The following FANCL variants were observed in gnomAD, a reference collection of about 807,000 sequenced individuals.
FANCL encodes E3 ubiquitin-protein ligase FANCL.
Under a neutral mutation model 59.4 loss-of-function variants are expected in FANCL, and 69 were observed. That is an observed-to-expected ratio of 1.16 (90% CI 0.96 to 1.42). The LOEUF (loss-of-function observed/expected upper bound fraction) is 1.42, where lower values mean the gene tolerates loss of function less well. Ranked by LOEUF, FANCL falls within the 40% of genes most tolerant of loss-of-function variation. The pLI, the probability that FANCL is intolerant of heterozygous loss-of-function variation, is 0.00. For missense variants in FANCL, 519 were observed against 447.2 expected (o/e 1.16, Z -1.45); for synonymous variants, 180 against 147.1 (o/e 1.22, Z -1.62).
rs375526911 is a variant in FANCL at position 58,162,885 on chromosome 2, C to A, written c.884G>T (p.Arg295Leu). 3 of 1,612,180 alleles carry A rather than the reference C, an allele frequency of 1.9e-6. No individual in the cohort carries two copies. Among genetic ancestry groups the A allele is most frequent in the South Asian group, 1.1e-5 (1 of 91,034 alleles). Residue 295 changes from arginine to leucine, a missense_variant, in exon 11 of 14, where the codon CGT (arginine) becomes CTT (leucine). Coordinates refer to ENST00000233741, the MANE Select transcript of FANCL (RefSeq NM_018062.4). ...ACTTACAGATTTTTCCAGGATAGCA[C>A]GAGCTGGAAAATCAATTTCTAAAAC... ...KDVLEIDFPA[R>L]AILEKSDFTM...
Position 58,159,379 on chromosome 2 carries a change from G to C in FANCL, c.*386C>G, listed in dbSNP as rs575242941. On this transcript the variant is annotated 3_prime_UTR_variant, in exon 14 of 14. Coordinates refer to ENST00000233741, the MANE Select transcript of FANCL (RefSeq NM_018062.4). ...CACAAGGAGAAGACAGAAATATCAA[G>C]AGTCTCAAGAACCTTTGAATGAAGT... is the stretch of plus-strand genomic sequence containing the variant. The C allele has an allele frequency of 1.2e-6, 2 of 1,610,346 alleles. No homozygotes were observed. The highest frequency in any genetic ancestry group is 1.7e-6 in the Non-Finnish European group (2 of 1,178,668).
chr2:58,176,711 T>C (rs1039908488), intron 7 of FANCL, among the ~76,000 whole-genome samples: 6 of 152,124 alleles, frequency 3.9e-5, no homozygotes, highest in Admixed American at 1.3e-4. Context: ...ATTCAGGACA[T>C]AGGCATGGGC....
intron 1 of FANCL, 119 bp downstream of exon 1, chr2:58,241,099 G>A (rs758933787): frequency 1.4e-5 from 15 of 1,049,210 alleles, no homozygotes; most frequent in Non-Finnish European, 2.0e-5. Flanking sequence ...GCCGTTACGC[G>A]CCGCCCCTCT....
rs768596921 is a variant in FANCL, at chr2:58,226,751, T to C, written c.250A>G (p.Met84Val). Residue 84 changes from methionine (M) to valine (V), a missense_variant, in exon 4 of 14, where the codon ATG becomes GTG. Coordinates refer to ENST00000233741, the MANE Select transcript of FANCL (RefSeq NM_018062.4). The part of the protein sequence containing the change: ...MQHSPDLMSF[M>V]MELKMLLEVA... Reference sequence around the variant, plus strand: ...ACCAAAAGCATCTTCAACTCCATCATAAAGCTCATTAGATCAGGAGAGTGC... The same window carrying C: ...ACCAAAAGCATCTTCAACTCCATCACAAAGCTCATTAGATCAGGAGAGTGC... The C allele has an allele frequency of 1.2e-6, 2 of 1,613,206 alleles. No individual in the cohort carries two copies. Among genetic ancestry groups the C allele is most frequent in the Non-Finnish European group, 1.7e-6 (2 of 1,179,518 alleles).
chr2:58,215,508 G>GA (rs1203556551), intron 5 of FANCL, among the ~76,000 whole-genome samples: 22 of 152,136 alleles, frequency 1.4e-4, no homozygotes, highest in Admixed American at 1.4e-3. Flanking sequence ...GAAAATGGGG[G>GA]AAAAAAATTG....
Position 58,230,092 on chromosome 2 carries a change from T to G in FANCL, c.156-218A>C, listed in dbSNP as rs7603404. ...AAATAACTGCAATCAGTAAATGACA[T>G]GCAAACAGTACATCTTGTTTTTTAA... is the stretch of plus-strand genomic sequence containing the variant. On this transcript the variant is annotated intron_variant, in intron 2 of 13. Coordinates refer to ENST00000233741, the MANE Select transcript of FANCL (RefSeq NM_018062.4). Among the ~76,000 whole-genome samples, 874 of 152,310 alleles carry G rather than the reference T, an allele frequency of 5.7e-3. 7 individuals carry two copies. The highest frequency in any genetic ancestry group is 0.02 in the African/African-American group (846 of 41,566).
chr2:58,159,560 A>T lies in FANCL; in HGVS notation c.*205T>A, dbSNP rs760396835. The T allele has an allele frequency of 6.2e-7, 1 of 1,613,734 alleles. No homozygotes were observed. The highest frequency in any genetic ancestry group is 1.3e-5 in the African/African-American group (1 of 74,922). ...GTCAGCACGGGGATCACAGACTTAG[A>T]AAGTTCAACTGGACTTTGGCCTACA... On this transcript the variant is annotated 3_prime_UTR_variant, in exon 14 of 14. Transcript: ENST00000233741.
chr2:58,199,863 C>T (rs1345336874), intron 6 of FANCL, among the ~76,000 whole-genome samples: 3 of 151,962 alleles, frequency 2.0e-5, no homozygotes, highest in East Asian at 1.9e-4. Flanking sequence ...TTTTCAGCCT[C>T]TTATTTTTCA....
rs561189122 is a variant in FANCL, at chr2:58,217,118, C to CAT, written c.374+4822_374+4823dup. Among the ~76,000 whole-genome samples, 5 of 110,552 alleles carry CAT rather than the reference C, an allele frequency of 4.5e-5. No homozygotes were observed. In the South Asian group the frequency reaches 1.3e-3, roughly 29 times the overall value. The allele number at this position is 110,552 out of a possible 152,430, so 72.5% of individuals were successfully genotyped here. On this transcript the variant is annotated intron_variant, in intron 5 of 13. Coordinates refer to ENST00000233741, the MANE Select transcript of FANCL (RefSeq NM_018062.4). ...AAAAAATACACACACACACACATTA[C>CAT]ATATATATATATTTTTATATATAGA...
chr2:58,168,436 C>T (rs1686185148), intron 7 of FANCL, among the ~76,000 whole-genome samples: 3 of 152,308 alleles, frequency 2.0e-5, no homozygotes, highest in South Asian at 2.1e-4. Flanking sequence ...GCTTTTCCCA[C>T]GGTCTTCACA....
chr2:58,187,405 G>A (rs567527371), intron 7 of FANCL, among the ~76,000 whole-genome samples: 6 of 148,694 alleles, frequency 4.0e-5, no homozygotes, highest in African/African-American at 1.0e-4. Context: ...TCACACACTG[G>A]GGCCTGTCGT....
At chr2:58,194,927 A>C (rs1024532802) in intron 7 of FANCL, among the ~76,000 whole-genome samples, 3 of 50,216 alleles carry the variant, frequency 6.0e-5, no homozygotes, top group Non-Finnish European at 9.7e-5. Flanking sequence ...ATTATATCAC[A>C]AAAAAAAAAG....
At chr2:58,160,244 T>G in intron 12 of FANCL, 65 bp from the exon 13 acceptor site, 1 of 1,495,466 alleles carries the variant, frequency 6.7e-7, no homozygotes, top group Non-Finnish European at 9.3e-7. Context: ...ACTCCAAATG[T>G]CATTCCCTTT....
In FANCL at chr2:58,187,571, A is replaced by T. The variant is rs189267219; in HGVS notation, c.540+11023T>A. ...CCTAAAACTTAAAGTATAATAATAA[A>T]AAAAAAAAAGTGTTGCAAAGAAAGT... On this transcript the variant is annotated intron_variant, in intron 7 of 13. Coordinates refer to ENST00000233741, the MANE Select transcript of FANCL (RefSeq NM_018062.4). Among the ~76,000 whole-genome samples, 675 of 152,126 alleles carry T rather than the reference A, an allele frequency of 4.4e-3. 6 individuals carry two copies. Among genetic ancestry groups the T allele is most frequent in the African/African-American group, 0.015 (613 of 41,496 alleles).
At chr2:58,182,642 T>G (rs1227827767) in intron 7 of FANCL, among the ~76,000 whole-genome samples, 2 of 151,778 alleles carry the variant, frequency 1.3e-5, no homozygotes, top group African/African-American at 2.4e-5. Flanking sequence ...GTAACCATAT[T>G]CAACAAAGTA....
chr2:58,239,187 A>G (rs1255846110), intron 1 of FANCL, among the ~76,000 whole-genome samples: 1 of 152,202 alleles, frequency 6.6e-6, no homozygotes, highest in Non-Finnish European at 1.5e-5. Flanking sequence ...TGAAAGTTTG[A>G]TGCCTCAGAG....
chr2:58,190,149 G>C (rs1323012937), intron 7 of FANCL, among the ~76,000 whole-genome samples: 1 of 151,962 alleles, frequency 6.6e-6, no homozygotes, highest in Non-Finnish European at 1.5e-5. Context: ...AACTGAATTT[G>C]TCTGGTCAAA....
rs75713133 is a variant in FANCL at position 58,203,643 on chromosome 2, A to G, written c.471+487T>C. Among the ~76,000 whole-genome samples, 141 of 152,186 alleles carry G rather than the reference A, an allele frequency of 9.3e-4. 1 individual carries two copies. In the East Asian group the frequency reaches 0.02, roughly 22 times the overall value. ...AGAGGCATAACCTCTGCAAATTCTT[A>G]AAATACTTAAAAAACCCCAGCCAAA... On this transcript the variant is annotated intron_variant, in intron 6 of 13. Coordinates refer to ENST00000233741, the MANE Select transcript of FANCL (RefSeq NM_018062.4).
At position 58,226,745 on chromosome 2, in the gene FANCL, C is replaced by T. The variant is rs1229855182; in HGVS notation, c.256G>A (p.Glu86Lys). The change falls in exon 4 of 14, where the codon GAG becomes AAG. Residue 86 changes from glutamate (E) to lysine (K), a missense_variant. Glu to Lys is a moderately conservative substitution (Grantham distance 56). Transcript: ENST00000233741. Reference protein sequence around the residue: ...HSPDLMSFMMELKMLLEVALK... With the variant: ...HSPDLMSFMMKLKMLLEVALK... Reference sequence around the variant, plus strand: ...ATTCTTACCAAAAGCATCTTCAACTCCATCATAAAGCTCATTAGATCAGGA... The same window carrying T: ...ATTCTTACCAAAAGCATCTTCAACTTCATCATAAAGCTCATTAGATCAGGA... 4 of 1,613,230 alleles carry T rather than the reference C, an allele frequency of 2.5e-6. No homozygotes were observed. The South Asian group carries it at 3.3e-5, about 13-fold the overall frequency.
Sources: allele counts gnomAD v4.1 joint callset (sites outside exome capture counted in the v4.1 genomes callset), GRCh38; gene constraint gnomAD v4.1.1; transcripts MANE v1.5; gene names NCBI Gene and HGNC (gene_info 2026-07-23, HGNC 2026-07-21).